Variants in ATP13A2 observed in about 807,000 individuals in gnomAD.
ATP13A2 encodes the protein polyamine-transporting ATPase 13A2.
Under a neutral mutation model 138.3 loss-of-function variants are expected in ATP13A2, and 83 were observed. The ratio of observed to expected loss-of-function variants is 0.60; its 90% confidence interval spans 0.50 to 0.72. The LOEUF is 0.72. ATP13A2 is among the 30% of genes least tolerant of loss of function. ATP13A2 has a pLI of 0.00. For missense variants in ATP13A2, 1,402 were observed against 1,606.4 expected (o/e 0.87, Z 2.17); for synonymous variants, 663 against 699.0 (o/e 0.95, Z 0.81).
intron 11 of ATP13A2, among the ~76,000 whole-genome samples, chr1:16,999,372 C>T (rs998766194): frequency 4.8e-5 from 5 of 103,314 alleles, no homozygotes; most frequent in Non-Finnish European, 9.2e-5. Context: ...AAGAGTGAAA[C>T]TCCATCTCAA....
At chr1:17,007,244 T>C (rs528162322) in intron 1 of ATP13A2, among the ~76,000 whole-genome samples, 11 of 152,252 alleles carry the variant, frequency 7.2e-5, no homozygotes, top group South Asian at 2.1e-4. Context: ...AGGCAGCCAG[T>C]GGATGTTCTG....
At chr1:17,001,972 C>G in intron 8 of ATP13A2, 62 bp downstream of exon 8, 1 of 1,539,304 alleles carries the variant, frequency 6.5e-7, no homozygotes, top group South Asian at 1.2e-5. Flanking sequence ...GGAGGCAAGC[C>G]CTGGGCCAAG....
rs774115028 is a variant in ATP13A2, at chr1:16,992,022, G to A, written c.2113C>T (p.Gln705Ter). Residue 705 changes from glutamine (Q) to a stop codon, truncating the protein, a stop_gained, in exon 19 of 29, where the codon CAG becomes TAG. Transcript: ENST00000326735. LOFTEE classifies it high-confidence loss of function. ...AGACAGGCCCACCTCGTCAGTTGCT[G>A]GGCTGCCTCCAGGCTGGGCACAGTG... is the stretch of plus-strand genomic sequence containing the variant. ...LPTVPSLEAA[Q>*]QLTRDTVEGD... 1 of 1,612,960 alleles carries A rather than the reference G, an allele frequency of 6.2e-7. No individual in the cohort carries two copies. Among genetic ancestry groups the A allele is most frequent in the Admixed American group, 1.7e-5 (1 of 60,010 alleles).
At chr1:16,988,016 T>C (rs1040962935) in intron 25 of ATP13A2, 122 bp downstream of exon 25, 10 of 912,444 alleles carry the variant, frequency 1.1e-5, no homozygotes, top group Non-Finnish European at 1.6e-5. Context: ...AGCCGGAGAG[T>C]GGCAGGGTCA....
rs1394659684 is a variant in ATP13A2 at position 17,004,276 on chromosome 1, C to G, written c.557+56G>C. 1 of 1,570,138 alleles carries G rather than the reference C, an allele frequency of 6.4e-7. No individual in the cohort carries two copies. The highest frequency in any genetic ancestry group is 1.4e-5 in the African/African-American group (1 of 73,634). ...AGGCCATGCCATGCCACCGTCTGTG[C>G]CCAAACCAGTGCCACTCTGGGAGGT... On this transcript the variant is annotated intron_variant, in intron 6 of 28. Coordinates refer to ENST00000326735, the MANE Select transcript of ATP13A2 (RefSeq NM_022089.4). The surrounding 1 kb of genome is among the most constrained non-coding windows in gnomAD (Gnocchi z 4.1).
At chr1:16,991,609 A>G in intron 20 of ATP13A2, 125 bp downstream of exon 20, 1 of 1,411,812 alleles carries the variant, frequency 7.1e-7, no homozygotes, top group Non-Finnish European at 1.0e-6. Context: ...AAATGTTTAA[A>G]AAGGACCTGG....
chr1:16,999,380 C>CA (rs67969184), intron 11 of ATP13A2, among the ~76,000 whole-genome samples: 12,856 of 55,526 alleles, frequency 0.23, 1,692 homozygotes, highest in East Asian at 0.42. Flanking sequence ...AACTCCATCT[C>CA]AAAAAAAAAA....
At chr1:16,991,297 T>G (rs1380128561) in intron 20 of ATP13A2, among the ~76,000 whole-genome samples, 1 of 151,940 alleles carries the variant, frequency 6.6e-6, no homozygotes, top group Non-Finnish European at 1.5e-5. Flanking sequence ...GTTGCCCAGG[T>G]TGGTCTTGAA....
chr1:16,990,804 G>A (rs1468718429), intron 20 of ATP13A2, among the ~76,000 whole-genome samples: 2 of 151,734 alleles, frequency 1.3e-5, no homozygotes, highest in African/African-American at 2.4e-5. Flanking sequence ...TTACAGGCAC[G>A]AGCCATGTGC....
At chr1:16,996,881 C>A (rs2077146364) in intron 12 of ATP13A2, 139 bp downstream of exon 12, 1 of 1,115,276 alleles carries the variant, frequency 9.0e-7, no homozygotes, top group South Asian at 1.4e-5. Context: ...TGGGGGGCAA[C>A]TGGCCCGAGG....
intron 3 of ATP13A2, 74 bp downstream of exon 3, chr1:17,005,300 C>T: frequency 1.9e-6 from 3 of 1,543,018 alleles, no homozygotes; most frequent in Admixed American, 2.0e-5. Flanking sequence ...GCCGGGTTGG[C>T]ACCCAAGCAT....
At chr1:17,007,404 G>C (rs1309301505) in intron 1 of ATP13A2, among the ~76,000 whole-genome samples, 1 of 152,138 alleles carries the variant, frequency 6.6e-6, no homozygotes, top group Non-Finnish European at 1.5e-5. Context: ...TCAGGCCGGG[G>C]TAGGGATGGT....
chr1:17,000,174 G>C (rs1303091701), intron 10 of ATP13A2, 32 bp from the exon 11 acceptor site: 3 of 1,611,684 alleles, frequency 1.9e-6, no homozygotes, highest in Non-Finnish European at 2.5e-6. Context: ...GCTCAGCTAG[G>C]TGGGGCCAGC....
chr1:17,006,969 C>A (rs1037841064), intron 1 of ATP13A2, among the ~76,000 whole-genome samples: 2 of 152,266 alleles, frequency 1.3e-5, no homozygotes, highest in Middle Eastern at 6.8e-3. Flanking sequence ...CGGCTCACTA[C>A]AACCTCTGCC....
intron 19 of ATP13A2, 62 bp downstream of exon 19, chr1:16,991,947 G>T (rs2076945803): frequency 6.2e-7 from 1 of 1,609,718 alleles, no homozygotes; most frequent in Non-Finnish European, 8.5e-7. Flanking sequence ...CTTGGGCTCT[G>T]CCTGCGTGAG....
chr1:17,003,724 C>T (rs761151559), intron 6 of ATP13A2, among the ~76,000 whole-genome samples: 32 of 149,630 alleles, frequency 2.1e-4, no homozygotes, highest in African/African-American at 4.2e-4. Context: ...AGTGCAGTGG[C>T]GCGATGTTGG....
intron 2 of ATP13A2, 30 bp from the exon 3 acceptor site, chr1:17,005,586 C>A (rs201630010): frequency 1.2e-6 from 2 of 1,613,968 alleles, no homozygotes; most frequent in Admixed American, 3.3e-5. Flanking sequence ...GGGCCCAGGT[C>A]GGGGTGGGAA....
intron 26 of ATP13A2, 38 bp downstream of exon 26, chr1:16,987,008 G>A: frequency 6.2e-7 from 1 of 1,613,392 alleles, no homozygotes; most frequent in Non-Finnish European, 8.5e-7. Context: ...GGACAGGGAA[G>A]GGGCGGGATG....
rs755131234 is a variant in ATP13A2, at chr1:16,996,508, G to A, written c.1196-12C>T. 1.2e-5 allele frequency: 20 copies of A among 1,612,058 alleles called. No homozygotes were observed. The highest frequency in any genetic ancestry group is 1.7e-5 in the Non-Finnish European group (20 of 1,178,612). On this transcript the variant is annotated splice_polypyrimidine_tract_variant and intron_variant, in intron 12 of 28. Transcript: ENST00000326735. The stretch of plus-strand genomic sequence containing the variant: ...TGCCGTGCAGAACCCTGGGGAGGAG[G>A]CGGGGACCCCAAGGCAGGGAAGCCA...
Sources: gnomAD v4.1 joint callset for allele counts (sites outside exome capture counted in the v4.1 genomes callset) on GRCh38, gnomAD v4.1.1 for gene constraint, Gnocchi (gnomAD v3.1) non-coding constraint, MANE v1.5 for transcripts, NCBI Gene and HGNC (gene_info 2026-07-23, HGNC 2026-07-21) for gene names.